Variants in ARHGAP8 observed in about 807,000 individuals in gnomAD.
ARHGAP8 encodes the protein rho GTPase-activating protein 8.
ARHGAP8 carries 62 observed loss-of-function variants against 46.1 expected under a neutral mutation model. That is an observed-to-expected ratio of 1.34 (90% CI 1.10 to 1.66). The LOEUF is 1.66. ARHGAP8 is among the 40% of genes most tolerant of loss of function. The probability of loss-of-function intolerance (pLI) is 0.00; values close to 1 mark genes in which losing one functional copy is unlikely to be tolerated. For missense variants in ARHGAP8, 923 were observed against 568.4 expected (o/e 1.62, Z -6.34); for synonymous variants, 375 against 243.1 (o/e 1.54, Z -5.05).
In ARHGAP8 at chr22:44,859,844, G is replaced by C. The variant is rs746772537; in HGVS notation, c.981+10G>C. On this transcript the variant is annotated intron_variant, in intron 11 of 11. Coordinates refer to ENST00000356099, the MANE Select transcript of ARHGAP8 (RefSeq NM_181335.3). The stretch of plus-strand genomic sequence containing the variant: ...GGGCTTCCTGCATGCGGTGAGTGGG[G>C]AAGGGGGGAGCTTGGGGTGAAGCCC... The C allele has an allele frequency of 1.9e-6, 3 of 1,612,438 alleles. No individual in the cohort carries two copies. Among genetic ancestry groups the C allele is most frequent in the Non-Finnish European group, 8.5e-7 (1 of 1,179,360 alleles).
At chr22:44,801,215 T>C (rs796930856) in intron 2 of ARHGAP8, among the ~76,000 whole-genome samples, 14 of 65,694 alleles carry the variant, frequency 2.1e-4, no homozygotes, top group Non-Finnish European at 3.7e-4. Context: ...TGGGGGCGCC[T>C]CTCCCCGCAG....
At chr22:44,803,873 G>C (rs1928754891) in intron 3 of ARHGAP8, among the ~76,000 whole-genome samples, 1 of 149,232 alleles carries the variant, frequency 6.7e-6, no homozygotes, top group Non-Finnish European at 1.5e-5. Flanking sequence ...AGTTGACTAA[G>C]TCACATGCTC....
At chr22:44,763,389 C>T (rs1001863309) in intron 1 of ARHGAP8, among the ~76,000 whole-genome samples, 1 of 147,334 alleles carries the variant, frequency 6.8e-6, no homozygotes, top group Non-Finnish European at 1.5e-5. Flanking sequence ...CACAGCTACT[C>T]GGGAGGCTGA....
At chr22:44,824,070 C>T (rs1463348017) in intron 6 of ARHGAP8, among the ~76,000 whole-genome samples, 2 of 152,128 alleles carry the variant, frequency 1.3e-5, no homozygotes, top group Admixed American at 6.5e-5. Context: ...GGATTTTCTC[C>T]ACCCCCACAT....
intron 1 of ARHGAP8, among the ~76,000 whole-genome samples, chr22:44,782,172 TA>T (rs1304415437): frequency 6.6e-6 from 1 of 151,912 alleles, no homozygotes; most frequent in Admixed American, 6.6e-5. Flanking sequence ...CCATCTCTAC[TA>T]AAAATACAAA....
intron 10 of ARHGAP8, among the ~76,000 whole-genome samples, chr22:44,855,059 A>G (rs1206664794): frequency 6.6e-6 from 1 of 152,240 alleles, no homozygotes; most frequent in East Asian, 1.9e-4. Flanking sequence ...TGAGAGCTTT[A>G]GAAATGTTTT....
intron 1 of ARHGAP8, among the ~76,000 whole-genome samples, chr22:44,771,329 C>T (rs1183900090): frequency 6.9e-6 from 1 of 145,554 alleles, no homozygotes; most frequent in Non-Finnish European, 1.5e-5. Context: ...TCACTGCAAC[C>T]TCTGGCTCCC....
At chr22:44,836,528 T>C (rs1402318737) in intron 7 of ARHGAP8, among the ~76,000 whole-genome samples, 1 of 151,536 alleles carries the variant, frequency 6.6e-6, no homozygotes, top group East Asian at 1.9e-4. Flanking sequence ...TGGGCTTTAG[T>C]ATTGCACGTG....
intron 1 of ARHGAP8, among the ~76,000 whole-genome samples, chr22:44,784,450 C>G (rs892688512): frequency 6.6e-6 from 1 of 152,164 alleles, no homozygotes; most frequent in Non-Finnish European, 1.5e-5. Flanking sequence ...CCTTACATAG[C>G]ATTTACATTG....
chr22:44,860,387 G>C (rs2070414546), intron 11 of ARHGAP8, among the ~76,000 whole-genome samples: 1 of 152,032 alleles, frequency 6.6e-6, no homozygotes, highest in African/African-American at 2.4e-5. Flanking sequence ...GCCTCTCCCA[G>C]CTCCTGGTCA....
At chr22:44,803,288 A>G (rs1027365571) in intron 3 of ARHGAP8, among the ~76,000 whole-genome samples, 1 of 152,166 alleles carries the variant, frequency 6.6e-6, no homozygotes, top group African/African-American at 2.4e-5. Context: ...GGGCCGTAGA[A>G]AATCAAGGTT....
chr22:44,862,491 A>G lies in ARHGAP8; in HGVS notation c.1198A>G (p.Arg400Gly), dbSNP rs1416031271. The G allele has an allele frequency of 1.2e-6, 2 of 1,613,678 alleles. No individual in the cohort carries two copies. ...HGLAPWEQGS[R>G]AAPLQEAVPR... ...CCTGGCACCATGGGAACAGGGGAGC[A>G]GGGCAGCCCCTTTGCAGGAGGCTGT... Residue 400 changes from arginine (R) to glycine (G), a missense_variant, in exon 12 of 12, where the codon AGG (arginine) becomes GGG (glycine). Physicochemically the swap from Arg to Gly is moderately radical, Grantham distance 125. Coordinates refer to ENST00000356099, the MANE Select transcript of ARHGAP8 (RefSeq NM_181335.3).
chr22:44,843,479 AAAT>A (rs1444948811), intron 7 of ARHGAP8, among the ~76,000 whole-genome samples: 1 of 152,206 alleles, frequency 6.6e-6, no homozygotes, highest in African/African-American at 2.4e-5. Context: ...GTTTAAATAA[AAAT>A]AATAAAGTAG....
Position 44,786,607 on chromosome 22 carries a change from G to A in ARHGAP8, c.79+1G>A, listed in dbSNP as rs778056577. 1.9e-6 allele frequency: 3 copies of A among 1,612,766 alleles called. No individual in the cohort carries two copies. The highest frequency in any genetic ancestry group is 2.2e-5 in the South Asian group (2 of 90,860). ...AGACATGGCATTCTGCAGGTGGCAG[G>A]TAGGGCCCCAGCTGGGCAGTCTGCA... is the stretch of plus-strand genomic sequence containing the variant. On this transcript the variant is annotated splice_donor_variant, in intron 2 of 11. Transcript: ENST00000356099. LOFTEE classifies it high-confidence loss of function.
chr22:44,821,589 C>T (rs1930150187), intron 5 of ARHGAP8, among the ~76,000 whole-genome samples: 1 of 152,252 alleles, frequency 6.6e-6, no homozygotes, highest in Non-Finnish European at 1.5e-5. Context: ...TCGCATCCAT[C>T]TGTCAATGAT....
chr22:44,788,065 A>C (rs1358641065), intron 2 of ARHGAP8, among the ~76,000 whole-genome samples: 1 of 148,960 alleles, frequency 6.7e-6, no homozygotes, highest in Non-Finnish European at 1.5e-5. Context: ...ATATATTTTT[A>C]ATTTATATAG....
intron 2 of ARHGAP8, among the ~76,000 whole-genome samples, chr22:44,790,592 C>G (rs1210925878): frequency 1.4e-5 from 2 of 142,538 alleles, no homozygotes; most frequent in Admixed American, 7.3e-5. Flanking sequence ...AGGAGAATCG[C>G]TTGAACCCGG....
chr22:44,753,613 G>A (rs1052944305), intron 1 of ARHGAP8, among the ~76,000 whole-genome samples: 3 of 142,358 alleles, frequency 2.1e-5, no homozygotes, highest in South Asian at 2.3e-4. Context: ...TCAATCCTGT[G>A]GGGGGTGGGG....
intron 3 of ARHGAP8, among the ~76,000 whole-genome samples, chr22:44,807,156 G>A (rs1405031588): frequency 1.3e-5 from 2 of 152,078 alleles, no homozygotes; most frequent in African/African-American, 2.4e-5. Context: ...ACGTGGGTGG[G>A]TTAATTACAA....
Sources: allele counts gnomAD v4.1 joint callset (sites outside exome capture counted in the v4.1 genomes callset), GRCh38; gene constraint gnomAD v4.1.1; transcripts MANE v1.5; gene names NCBI Gene and HGNC (gene_info 2026-07-23, HGNC 2026-07-21).